The following TBC1D4 variants were observed in gnomAD, a reference collection of about 807,000 sequenced individuals.
TBC1D4 encodes TBC1 domain family member 4.
A neutral mutation model predicts 142.5 loss-of-function variants in TBC1D4; 121 were observed. The observed-to-expected ratio is 0.85, with a 90% CI of 0.73 to 0.99. TBC1D4 has a LOEUF of 0.99. TBC1D4 is among the 50% of genes least tolerant of loss of function. The pLI, the probability that TBC1D4 is intolerant of heterozygous loss-of-function variation, is 0.00. For missense variants in TBC1D4, 1,475 were observed against 1,606.6 expected (o/e 0.92, Z 1.40); for synonymous variants, 630 against 628.2 (o/e 1.00, Z -0.04).
intron 1 of TBC1D4, among the ~76,000 whole-genome samples, chr13:75,442,028 C>T (rs1887062312): frequency 6.6e-6 from 1 of 152,194 alleles, no homozygotes; most frequent in Admixed American, 6.5e-5. Flanking sequence ...TCATAATTTC[C>T]ATTTCAGAGC....
rs1476800067 is a variant in TBC1D4 at position 75,310,112 on chromosome 13, A to AG, written c.2422dup (p.Leu808ProfsTer19). 1.2e-6 allele frequency: 2 copies of AG among 1,613,968 alleles called. No homozygotes were observed. The highest frequency in any genetic ancestry group is 1.1e-5 in the South Asian group (1 of 91,072). On this transcript the variant is annotated frameshift_variant, in exon 14 of 21. Transcript: ENST00000377636. LOFTEE classifies it high-confidence loss of function. ...CGGTTCCTCCTCCATGGTTGGAGAG[A>AG]GGGGGGACAGTGGCAGCAGCTCGTT...
At chr13:75,472,648 A>G (rs1888465670) in intron 1 of TBC1D4, among the ~76,000 whole-genome samples, 2 of 152,048 alleles carry the variant, frequency 1.3e-5, no homozygotes, top group Admixed American at 6.5e-5. Context: ...AGGAAAAAGA[A>G]GGCCAGCTTC....
chr13:75,299,823 C>CAAAAAAAAAA (rs56719877), intron 16 of TBC1D4, among the ~76,000 whole-genome samples: 13 of 105,954 alleles, frequency 1.2e-4, no homozygotes, highest in East Asian at 7.4e-4. Context: ...TTCTTTCCAG[C>CAAAAAAAAAA]AAAAAAAAAA....
chr13:75,394,651 C>A (rs1884687634), intron 1 of TBC1D4, among the ~76,000 whole-genome samples: 1 of 152,110 alleles, frequency 6.6e-6, no homozygotes, highest in Non-Finnish European at 1.5e-5. Context: ...ACAATAGACG[C>A]TAGATTTGCG....
chr13:75,348,132 C>A (rs1881304265), intron 5 of TBC1D4, among the ~76,000 whole-genome samples: 1 of 152,080 alleles, frequency 6.6e-6, no homozygotes, highest in African/African-American at 2.4e-5. Flanking sequence ...CAGAGCAAGG[C>A]TGTGCCTCAA....
intron 1 of TBC1D4, among the ~76,000 whole-genome samples, chr13:75,470,349 G>A (rs560584763): frequency 1.1e-4 from 16 of 152,234 alleles, no homozygotes; most frequent in African/African-American, 3.9e-4. Flanking sequence ...CCAACCCACT[G>A]TCTACTGCCG....
intron 1 of TBC1D4, among the ~76,000 whole-genome samples, chr13:75,365,783 T>C (rs535773300): frequency 6.6e-6 from 1 of 152,152 alleles, no homozygotes; most frequent in Admixed American, 6.5e-5. Flanking sequence ...CTTACTAGAA[T>C]TCCTCCCTGT....
At chr13:75,348,456 T>TA (rs1362749674) in intron 5 of TBC1D4, among the ~76,000 whole-genome samples, 1 of 152,258 alleles carries the variant, frequency 6.6e-6, no homozygotes, top group Non-Finnish European at 1.5e-5. Flanking sequence ...CCCCAGTGCC[T>TA]AGCACATTGC....
intron 1 of TBC1D4, among the ~76,000 whole-genome samples, chr13:75,453,229 T>A (rs1887599714): frequency 6.6e-6 from 1 of 151,912 alleles, no homozygotes; most frequent in South Asian, 2.1e-4. Flanking sequence ...CTTTCAAGTA[T>A]CCTCAAGCAC....
intron 1 of TBC1D4, among the ~76,000 whole-genome samples, chr13:75,413,948 G>T (rs1885799765): frequency 6.6e-6 from 1 of 152,112 alleles, no homozygotes; most frequent in Non-Finnish European, 1.5e-5. Context: ...TGTCAAGAAG[G>T]GTCCCACAAG....
chr13:75,336,806 GTT>G, intron 8 of TBC1D4, 113 bp downstream of exon 8: 2 of 1,193,678 alleles, frequency 1.7e-6, no homozygotes, highest in Admixed American at 2.5e-5. Flanking sequence ...GTTATCTTAG[GTT>G]TTTTTTTTGT....
At chr13:75,297,317 C>CTATAGCTATTA (rs1566347839) in intron 17 of TBC1D4, among the ~76,000 whole-genome samples, 5 of 152,012 alleles carry the variant, frequency 3.3e-5, no homozygotes, top group African/African-American at 1.2e-4. Context: ...AGCTATTATC[C>CTATAGCTATTA]TTTTATCTGT....
At chr13:75,364,399 T>G (rs866743278) in intron 1 of TBC1D4, among the ~76,000 whole-genome samples, 2 of 152,380 alleles carry the variant, frequency 1.3e-5, no homozygotes, top group Middle Eastern at 3.4e-3. Flanking sequence ...AGAACATTCA[T>G]AGTTTACAAA....
intron 1 of TBC1D4, among the ~76,000 whole-genome samples, chr13:75,415,982 C>T (rs1218263031): frequency 6.6e-6 from 1 of 152,192 alleles, no homozygotes; most frequent in Non-Finnish European, 1.5e-5. Context: ...CAATCTGACT[C>T]ACTAGGAATT....
chr13:75,449,874 C>T (rs1489741563), intron 1 of TBC1D4, among the ~76,000 whole-genome samples: 8 of 152,100 alleles, frequency 5.3e-5, no homozygotes, highest in African/African-American at 1.7e-4. Flanking sequence ...CATGAGGCAT[C>T]GTGCCCAGCC....
chr13:75,293,964 G>A (rs1875610322), intron 18 of TBC1D4, among the ~76,000 whole-genome samples: 1 of 152,182 alleles, frequency 6.6e-6, no homozygotes, highest in Non-Finnish European at 1.5e-5. Context: ...CAGAAGTGCA[G>A]TTGTGAGTGA....
intron 1 of TBC1D4, among the ~76,000 whole-genome samples, chr13:75,450,746 A>C (rs1429160902): frequency 6.6e-6 from 1 of 152,114 alleles, no homozygotes; most frequent in East Asian, 1.9e-4. Flanking sequence ...CACCTCCCCA[A>C]AGGTCAGGCT....
chr13:75,430,053 G>A (rs1886533151), intron 1 of TBC1D4, among the ~76,000 whole-genome samples: 1 of 152,188 alleles, frequency 6.6e-6, no homozygotes, highest in African/African-American at 2.4e-5. Context: ...GGGTTAAACA[G>A]AACAAGCTCT....
At chr13:75,336,168 G>T (rs554003711) in intron 8 of TBC1D4, among the ~76,000 whole-genome samples, 1 of 152,108 alleles carries the variant, frequency 6.6e-6, no homozygotes, top group Non-Finnish European at 1.5e-5. Context: ...GGAGGCCGAC[G>T]TGGGTGGATC....
Sources: gnomAD v4.1 joint callset for allele counts (sites outside exome capture counted in the v4.1 genomes callset) on GRCh38, gnomAD v4.1.1 for gene constraint, MANE v1.5 for transcripts, NCBI Gene and HGNC (gene_info 2026-07-23, HGNC 2026-07-21) for gene names.